The following STAB2 variants were observed in gnomAD, a reference collection of about 807,000 sequenced individuals.
STAB2 encodes stabilin-2.
In STAB2, 288 loss-of-function variants were observed where a neutral mutation model predicts 338.1. The observed-to-expected ratio is 0.85, with a 90% confidence interval of 0.77 to 0.94. STAB2 has a LOEUF of 0.94. Ranked by LOEUF, STAB2 falls within the 40% of genes least tolerant of loss-of-function variation. The probability of loss-of-function intolerance (pLI) is 0.00; values close to 1 mark genes in which losing one functional copy is unlikely to be tolerated. For synonymous variants in STAB2, 1,202 were observed against 1,193.3 expected (o/e 1.01, Z -0.15); for missense variants, 3,141 against 3,210.1 (o/e 0.98, Z 0.52).
chr12:103,610,616 T>C (rs541326681), intron 3 of STAB2, among the ~76,000 whole-genome samples: 3 of 152,350 alleles, frequency 2.0e-5, no homozygotes, highest in African/African-American at 7.2e-5. Flanking sequence ...CTATCAATTT[T>C]GTTGATCTTT....
chr12:103,598,632 T>G (rs1368983738), intron 3 of STAB2, among the ~76,000 whole-genome samples: 3 of 152,186 alleles, frequency 2.0e-5, no homozygotes, highest in African/African-American at 7.2e-5. Flanking sequence ...GGAAATAAAT[T>G]ACACTTTTTC....
chr12:103,631,694 G>A lies in STAB2; in HGVS notation c.583+1G>A, dbSNP rs201447894. The A allele has an allele frequency of 6.8e-5, 109 of 1,613,872 alleles. No individual in the cohort carries two copies. The highest frequency in any genetic ancestry group is 9.9e-5 in the South Asian group (9 of 91,090). ...TACACTGGCCCCAAGTGTGACAAGC[G>A]TAAGTACTGCTAGTTCCCTTAATGC... On this transcript the variant is annotated splice_donor_variant, in intron 6 of 68. Transcript: ENST00000388887. LOFTEE classifies it high-confidence loss of function.
At chr12:103,607,632 T>C (rs9668534) in intron 3 of STAB2, among the ~76,000 whole-genome samples, 48,747 of 151,274 alleles carry the variant, frequency 0.32, 9,989 homozygotes, top group African/African-American at 0.58. Context: ...TGAGAACATG[T>C]GGTGTTTGGT....
At chr12:103,717,661 C>G (rs1360381876) in intron 43 of STAB2, 109 bp from the exon 44 acceptor site, 1 of 848,688 alleles carries the variant, frequency 1.2e-6, no homozygotes, top group East Asian at 2.5e-5. Context: ...AATAGAGACT[C>G]TCCTAACATT....
At chr12:103,737,572 G>GTT (rs1882227571) in intron 52 of STAB2, 62 bp from the exon 53 acceptor site, 7 of 1,233,134 alleles carry the variant, frequency 5.7e-6, no homozygotes, top group Admixed American at 5.8e-5. Context: ...GAGATTGACT[G>GTT]TTTCTCTCTC....
chr12:103,590,563 A>G (rs1439226984), intron 1 of STAB2, among the ~76,000 whole-genome samples: 5 of 152,192 alleles, frequency 3.3e-5, no homozygotes, highest in Admixed American at 2.0e-4. Context: ...GTATTCTGCC[A>G]TATATTTCAG....
chr12:103,733,452 T>A (rs1387061458), intron 51 of STAB2, among the ~76,000 whole-genome samples: 2 of 152,166 alleles, frequency 1.3e-5, no homozygotes, highest in African/African-American at 4.8e-5. Flanking sequence ...CTCTCTCTAC[T>A]GCAGATCAGC....
chr12:103,696,057 G>A (rs760432815), intron 33 of STAB2, among the ~76,000 whole-genome samples: 3 of 152,134 alleles, frequency 2.0e-5, no homozygotes, highest in African/African-American at 7.2e-5. Flanking sequence ...TTGCACACTT[G>A]AGCCTGTATA....
intron 9 of STAB2, among the ~76,000 whole-genome samples, chr12:103,647,175 T>A (rs1212720196): frequency 6.6e-6 from 1 of 151,694 alleles, no homozygotes; most frequent in Non-Finnish European, 1.5e-5. Flanking sequence ...AAAAACAGAT[T>A]TCAGGGTAGA....
chr12:103,641,027 G>C (rs986873750), intron 9 of STAB2, among the ~76,000 whole-genome samples: 21 of 152,194 alleles, frequency 1.4e-4, no homozygotes, highest in Non-Finnish European at 2.4e-4. Flanking sequence ...CGCAGACTGA[G>C]GTTTCTATCT....
At chr12:103,688,359 G>A (rs2138895861) in intron 28 of STAB2, 144 bp downstream of exon 28, 1 of 740,272 alleles carries the variant, frequency 1.4e-6, no homozygotes, top group South Asian at 1.7e-5. Flanking sequence ...GCTGCACTGT[G>A]GAACCACATG....
At chr12:103,620,852 C>A (rs563151626) in intron 4 of STAB2, among the ~76,000 whole-genome samples, 2 of 152,288 alleles carry the variant, frequency 1.3e-5, no homozygotes, top group Admixed American at 6.5e-5. Context: ...AATCCCAGCA[C>A]TTTAGGAGGC....
intron 3 of STAB2, among the ~76,000 whole-genome samples, chr12:103,600,141 A>G (rs1396024399): frequency 6.6e-6 from 1 of 152,258 alleles, no homozygotes; most frequent in Non-Finnish European, 1.5e-5. Context: ...TACATGCTCA[A>G]TAAATTCTCT....
At chr12:103,696,224 GA>G (rs1170235140) in intron 33 of STAB2, among the ~76,000 whole-genome samples, 1 of 152,158 alleles carries the variant, frequency 6.6e-6, no homozygotes, top group Non-Finnish European at 1.5e-5. Context: ...ACCACATGGA[GA>G]AACCACATGG....
Position 103,668,767 on chromosome 12 carries a change from A to G in STAB2, c.2172+38A>G. ...TGGCCGAGGCCCAGTCTAGGCCAGT[A>G]GGGCCAGGCAGCTCCAGGGCCATGC... On this transcript the variant is annotated intron_variant, in intron 20 of 68. Coordinates refer to ENST00000388887, the MANE Select transcript of STAB2 (RefSeq NM_017564.10). The G allele has an allele frequency of 2.0e-6, 3 of 1,495,692 alleles. No individual in the cohort carries two copies. In the South Asian group the frequency reaches 3.8e-5, roughly 19 times the overall value. 92.7% of individuals were successfully genotyped at this position (1,495,692 alleles called of 1,614,324 possible).
intron 30 of STAB2, among the ~76,000 whole-genome samples, chr12:103,692,226 G>A (rs1039688704): frequency 5.3e-5 from 8 of 152,190 alleles, no homozygotes; most frequent in African/African-American, 1.7e-4. Context: ...GTCTCTGAGT[G>A]TAGCTGTCTC....
intron 68 of STAB2, among the ~76,000 whole-genome samples, chr12:103,764,303 C>T (rs1411094238): frequency 6.6e-6 from 1 of 152,250 alleles, no homozygotes; most frequent in Non-Finnish European, 1.5e-5. Flanking sequence ...CAAGATTTTA[C>T]TGCTTGTTGT....
chr12:103,611,039 T>C (rs1026551137), intron 3 of STAB2, among the ~76,000 whole-genome samples: 10 of 152,238 alleles, frequency 6.6e-5, no homozygotes, highest in Non-Finnish European at 1.0e-4. Context: ...TTGATTGCAC[T>C]GTGGTCTGAG....
chr12:103,678,689 G>T (rs1876613855), intron 25 of STAB2, among the ~76,000 whole-genome samples: 1 of 151,994 alleles, frequency 6.6e-6, no homozygotes, highest in Non-Finnish European at 1.5e-5. Context: ...ACCACGCCTG[G>T]CTAATTTTGT....
Sources: allele counts gnomAD v4.1 joint callset (sites outside exome capture counted in the v4.1 genomes callset), GRCh38; gene constraint gnomAD v4.1.1; transcripts MANE v1.5; gene names NCBI Gene and HGNC (gene_info 2026-07-23, HGNC 2026-07-21).